The following KCNIP4 variants were observed in gnomAD, a reference collection of about 807,000 sequenced individuals.
KCNIP4 encodes the protein potassium voltage-gated channel interacting protein 4, also known as Kv channel-interacting protein 4.
In KCNIP4, 12 loss-of-function variants were observed where a neutral mutation model predicts 34.0. The ratio of observed to expected loss-of-function variants is 0.35; its 90% CI spans 0.23 to 0.57. The LOEUF is 0.57. KCNIP4 is among the 20% of genes least tolerant of loss of function. The probability of loss-of-function intolerance (pLI) is 0.83; values close to 1 mark genes in which losing one functional copy is unlikely to be tolerated. For synonymous variants in KCNIP4, 124 were observed against 102.2 expected (o/e 1.21, Z -1.29); for missense variants, 238 against 311.7 (o/e 0.76, Z 1.78).
chr4:21,676,392 T>G (rs1250774077), intron 1 of KCNIP4, among the ~76,000 whole-genome samples: 4 of 152,254 alleles, frequency 2.6e-5, no homozygotes, highest in African/African-American at 9.6e-5. Flanking sequence ...AAAAGACGAC[T>G]CTTCCCTTGG....
At chr4:20,959,029 A>C (rs1733598230) in intron 1 of KCNIP4, among the ~76,000 whole-genome samples, 1 of 152,186 alleles carries the variant, frequency 6.6e-6, no homozygotes, top group African/African-American at 2.4e-5. Context: ...CAAATCTCTA[A>C]ATTATTACTT....
At chr4:21,865,442 T>C (rs999624075) in intron 1 of KCNIP4, among the ~76,000 whole-genome samples, 1 of 152,024 alleles carries the variant, frequency 6.6e-6, no homozygotes, top group Admixed American at 6.6e-5. Context: ...AAAGGAAAAG[T>C]ACAAGGAAAA....
At chr4:21,790,939 T>C (rs1720235101) in intron 1 of KCNIP4, among the ~76,000 whole-genome samples, 1 of 135,608 alleles carries the variant, frequency 7.4e-6, no homozygotes, top group South Asian at 2.4e-4. Flanking sequence ...AACTGAAATG[T>C]GTGGCTCCTT....
chr4:21,376,986 G>A (rs959939499), intron 1 of KCNIP4, among the ~76,000 whole-genome samples: 1 of 152,132 alleles, frequency 6.6e-6, no homozygotes, highest in Non-Finnish European at 1.5e-5. Context: ...ATCAAACGAA[G>A]CTTATTTCCA....
intron 1 of KCNIP4, among the ~76,000 whole-genome samples, chr4:21,053,621 G>T (rs1229735980): frequency 6.6e-6 from 1 of 152,112 alleles, no homozygotes; most frequent in East Asian, 1.9e-4. Context: ...AAATACGAAA[G>T]AATTGATAAA....
chr4:21,094,099 GCTT>G (rs1747259698), intron 1 of KCNIP4, among the ~76,000 whole-genome samples: 1 of 151,530 alleles, frequency 6.6e-6, no homozygotes, highest in Non-Finnish European at 1.5e-5. Flanking sequence ...AAAGAAAAAA[GCTT>G]ATTAAATAAT....
intron 1 of KCNIP4, among the ~76,000 whole-genome samples, chr4:20,918,876 A>G (rs930180879): frequency 1.3e-5 from 2 of 152,222 alleles, no homozygotes; most frequent in Admixed American, 6.5e-5. Flanking sequence ...CAAAAATGTC[A>G]ATGGCAAGTA....
At chr4:21,541,007 C>A (rs1045649987) in intron 1 of KCNIP4, among the ~76,000 whole-genome samples, 1 of 151,920 alleles carries the variant, frequency 6.6e-6, no homozygotes, top group Non-Finnish European at 1.5e-5. Flanking sequence ...ATCATCTCTA[C>A]TAAAAATACA....
chr4:21,516,644 A>C (rs1367593781), intron 1 of KCNIP4, among the ~76,000 whole-genome samples: 1 of 152,240 alleles, frequency 6.6e-6, no homozygotes, highest in African/African-American at 2.4e-5. Context: ...ACGAGTCAGA[A>C]AATCTGTGCA....
chr4:21,158,155 G>A (rs992074490), intron 1 of KCNIP4, among the ~76,000 whole-genome samples: 5 of 152,044 alleles, frequency 3.3e-5, no homozygotes, highest in African/African-American at 1.2e-4. Context: ...ACACATTAAA[G>A]TTACAGTTAA....
chr4:20,863,270 T>C (rs745549141), intron 2 of KCNIP4, among the ~76,000 whole-genome samples: 12 of 151,902 alleles, frequency 7.9e-5, no homozygotes, highest in East Asian at 1.9e-4. Context: ...GATGGAACCA[T>C]AGGGGGCTCA....
chr4:20,816,020 G>A (rs1716327056), intron 3 of KCNIP4, among the ~76,000 whole-genome samples: 1 of 152,096 alleles, frequency 6.6e-6, no homozygotes, highest in African/African-American at 2.4e-5. Flanking sequence ...AGGCCAAGGT[G>A]GATGGATCAT....
intron 1 of KCNIP4, among the ~76,000 whole-genome samples, chr4:20,961,013 C>T (rs1270131352): frequency 6.6e-6 from 1 of 152,016 alleles, no homozygotes; most frequent in Non-Finnish European, 1.5e-5. Flanking sequence ...AAGGGATGCT[C>T]TTAAATATTT....
chr4:21,174,692 G>A (rs2109305691), intron 1 of KCNIP4, among the ~76,000 whole-genome samples: 1 of 152,126 alleles, frequency 6.6e-6, no homozygotes. Context: ...CTGGGGTCAG[G>A]AACTCAGATC....
At chr4:20,744,719 TAACA>T (rs1045644494) in intron 5 of KCNIP4, among the ~76,000 whole-genome samples, 5 of 152,218 alleles carry the variant, frequency 3.3e-5, no homozygotes, top group African/African-American at 7.2e-5. Context: ...TATACATATG[TAACA>T]AACCTGCACA....
At chr4:21,032,694 T>A (rs146542191) in intron 1 of KCNIP4, among the ~76,000 whole-genome samples, 12 of 152,318 alleles carry the variant, frequency 7.9e-5, no homozygotes, top group African/African-American at 2.6e-4. Flanking sequence ...CCGTTTGTAC[T>A]GAAAATCTCT....
At chr4:21,691,812 C>T (rs1385029443) in intron 1 of KCNIP4, among the ~76,000 whole-genome samples, 1 of 150,118 alleles carries the variant, frequency 6.7e-6, no homozygotes, top group African/African-American at 2.4e-5. Context: ...GATTCTCCTG[C>T]TTCAGCCTCC....
At chr4:20,883,993 A>G (rs1229233216) in intron 1 of KCNIP4, among the ~76,000 whole-genome samples, 2 of 152,162 alleles carry the variant, frequency 1.3e-5, no homozygotes, top group Non-Finnish European at 2.9e-5. Flanking sequence ...TGGGCCATCC[A>G]CTATTGGCCA....
chr4:21,091,794 C>T (rs1018705379), intron 1 of KCNIP4, among the ~76,000 whole-genome samples: 5 of 152,114 alleles, frequency 3.3e-5, no homozygotes, highest in Admixed American at 3.3e-4. Context: ...TTTATAAAGA[C>T]ACCAATCCAT....
Sources: allele counts gnomAD v4.1 joint callset (sites outside exome capture counted in the v4.1 genomes callset), GRCh38; gene constraint gnomAD v4.1.1; transcripts MANE v1.5; gene names NCBI Gene and HGNC (gene_info 2026-07-23, HGNC 2026-07-21).